DNAH6: variants seen among roughly 807,000 people sequenced by gnomAD.
DNAH6 encodes axonemal beta dynein heavy chain 6.
DNAH6 carries 340 observed loss-of-function variants against 491.4 expected under a neutral mutation model. The observed-to-expected ratio is 0.69, with a 90% CI of 0.63 to 0.76. DNAH6 has a LOEUF of 0.76. Ranked by LOEUF, DNAH6 falls within the 30% of genes least tolerant of loss-of-function variation. DNAH6 has a pLI of 0.00. For missense variants in DNAH6, 4,443 were observed against 4,972.2 expected (o/e 0.89, Z 3.20); for synonymous variants, 1,603 against 1,686.1 (o/e 0.95, Z 1.21).
At chr2:84,749,185 G>C (rs1012900509) in intron 63 of DNAH6, among the ~76,000 whole-genome samples, 8 of 152,122 alleles carry the variant, frequency 5.3e-5, no homozygotes, top group African/African-American at 1.9e-4. Flanking sequence ...TTCAAACTCT[G>C]TCATTCTGTA....
At chr2:84,816,805 G>GA (rs1680529063) in intron 76 of DNAH6, among the ~76,000 whole-genome samples, 1 of 152,104 alleles carries the variant, frequency 6.6e-6, no homozygotes, top group African/African-American at 2.4e-5. Flanking sequence ...ATACAGCCCT[G>GA]AAAAAAGAAA....
intron 11 of DNAH6, among the ~76,000 whole-genome samples, chr2:84,561,052 T>C (rs1171383839): frequency 2.0e-5 from 3 of 151,844 alleles, no homozygotes; most frequent in Non-Finnish European, 1.5e-5. Flanking sequence ...TCCACAATGG[T>C]TGAACTAGTT....
At chr2:84,499,953 T>C in the DNAH6 span, among the ~76,000 whole-genome samples, 1 of 151,888 alleles carries the variant, frequency 6.6e-6, no homozygotes, top group Non-Finnish European at 1.5e-5. Flanking sequence ...TCTTGTCAAA[T>C]GGGTAGTTTG....
chr2:84,603,980 C>T (rs142390875), intron 18 of DNAH6, among the ~76,000 whole-genome samples: 2 of 152,268 alleles, frequency 1.3e-5, no homozygotes, highest in African/African-American at 4.8e-5. Flanking sequence ...TCATTCTACC[C>T]CGCACTTAAT....
At position 84,745,138 on chromosome 2, in the gene DNAH6, C is replaced by A; in HGVS notation, c.10401C>A (p.His3467Gln). The A allele has an allele frequency of 6.5e-7, 1 of 1,546,100 alleles. No individual in the cohort carries two copies. The highest frequency in any genetic ancestry group is 1.2e-5 in the South Asian group (1 of 83,176). Residue 3467 changes from histidine (H) to glutamine (Q), a missense_variant, in exon 63 of 77, where the codon CAC becomes CAA. This residue lies in a region of DNAH6 where 1,463 missense variants were observed against 1,656.6 expected (regional missense o/e 0.88). Transcript: ENST00000389394. ...QKWEGYSKMK[H>Q]EDKHMRQEKE... ...GGGAAGGCTATTCTAAAATGAAACA[C>A]GAAGATAAACACATGAGACAGGAAA...
At chr2:84,522,411 A>T (rs1447610280) in intron 2 of DNAH6, among the ~76,000 whole-genome samples, 6 of 152,146 alleles carry the variant, frequency 3.9e-5, no homozygotes, top group Admixed American at 3.9e-4. Context: ...GAATCATGTC[A>T]TCTGCAAACA....
chr2:84,576,341 C>G (rs182210615), intron 12 of DNAH6, among the ~76,000 whole-genome samples: 47 of 152,160 alleles, frequency 3.1e-4, no homozygotes, highest in Admixed American at 2.5e-3. Context: ...TCTTCCAATA[C>G]TTTCTCTGGT....
intron 18 of DNAH6, among the ~76,000 whole-genome samples, chr2:84,600,041 A>G (rs183139060): frequency 5.9e-5 from 9 of 152,216 alleles, no homozygotes; most frequent in Admixed American, 5.9e-4. Context: ...TTGCTCAGTG[A>G]TCATTCTACA....
In DNAH6 at chr2:84,552,968, G is replaced by A. The variant is rs750375103; in HGVS notation, c.1536G>A (p.Met512Ile). The change falls in exon 10 of 77, where the codon ATG becomes ATA. Residue 512 changes from methionine to isoleucine, a missense_variant. Met to Ile is a conservative substitution (Grantham distance 10, BLOSUM62 1). Around this residue, in one of 3 missense-constraint regions of DNAH6, gnomAD observed 2,977 missense variants for 3,296.6 expected, o/e 0.90. Transcript: ENST00000389394. ...AAGAAGATGAATCTCTCATCCCCAT[G>A]TTTCTCACAGAACTAATGTTGACAG... Reference protein sequence around the residue: ...KQEEDESLIPMFLTELMLTVQ... With the variant: ...KQEEDESLIPIFLTELMLTVQ... 6.2e-7 allele frequency: 1 copy of A among 1,612,186 alleles called. No homozygotes were observed. The highest frequency in any genetic ancestry group is 2.2e-5 in the East Asian group (1 of 44,710).
chr2:84,771,355 A>G (rs1675590559), intron 64 of DNAH6, among the ~76,000 whole-genome samples: 1 of 152,080 alleles, frequency 6.6e-6, no homozygotes, highest in Non-Finnish European at 1.5e-5. Flanking sequence ...AACCATACCA[A>G]CATACACTAA....
chr2:84,731,124 C>T (rs1259034243), intron 61 of DNAH6, among the ~76,000 whole-genome samples: 2 of 152,178 alleles, frequency 1.3e-5, no homozygotes, highest in African/African-American at 4.8e-5. Flanking sequence ...GACAGCAAAT[C>T]TTGTGGTCTT....
intron 71 of DNAH6, among the ~76,000 whole-genome samples, chr2:84,807,143 GA>G (rs1679496620): frequency 6.6e-6 from 1 of 152,172 alleles, no homozygotes; most frequent in African/African-American, 2.4e-5. Flanking sequence ...CTCAGCAAAA[GA>G]ACTGAGGGTT....
At chr2:84,808,895 T>C (rs1413058027) in intron 72 of DNAH6, among the ~76,000 whole-genome samples, 1 of 152,210 alleles carries the variant, frequency 6.6e-6, no homozygotes, top group African/African-American at 2.4e-5. Flanking sequence ...ACATAGTCTT[T>C]AAGCGAGACT....
At chr2:84,544,831 T>C (rs1273870549) in intron 5 of DNAH6, among the ~76,000 whole-genome samples, 26 of 152,136 alleles carry the variant, frequency 1.7e-4, no homozygotes, top group Non-Finnish European at 1.5e-5. Flanking sequence ...GCTGGTAGCC[T>C]CTATTACCTC....
intron 71 of DNAH6, among the ~76,000 whole-genome samples, chr2:84,807,892 G>T (rs1253044756): frequency 6.6e-6 from 1 of 152,042 alleles, no homozygotes; most frequent in East Asian, 1.9e-4. Context: ...CCTCCCCACA[G>T]TCAACCAGAA....
intron 37 of DNAH6, among the ~76,000 whole-genome samples, chr2:84,665,110 G>C (rs1346536388): frequency 1.3e-5 from 2 of 152,126 alleles, no homozygotes; most frequent in African/African-American, 4.8e-5. Context: ...TGTGTAGAGG[G>C]AAATTTATAG....
chr2:84,670,784 C>G (rs952787970), intron 39 of DNAH6, among the ~76,000 whole-genome samples: 30 of 152,316 alleles, frequency 2.0e-4, no homozygotes, highest in Non-Finnish European at 3.2e-4. Flanking sequence ...AAACAAACCT[C>G]TGTATATTTG....
chr2:84,766,883 G>T (rs563163343), intron 64 of DNAH6, among the ~76,000 whole-genome samples: 1 of 152,258 alleles, frequency 6.6e-6, no homozygotes, highest in East Asian at 1.9e-4. Context: ...CTTACTTTAG[G>T]TTTGCACTCC....
chr2:84,640,854 A>T (rs892750916), intron 32 of DNAH6, among the ~76,000 whole-genome samples: 8 of 152,174 alleles, frequency 5.3e-5, no homozygotes, highest in Non-Finnish European at 1.2e-4. Context: ...CTGAACTCAA[A>T]TTCAAACATC....
Sources: allele counts gnomAD v4.1 joint callset (sites outside exome capture counted in the v4.1 genomes callset), GRCh38; gene constraint gnomAD v4.1.1; regional missense constraint gnomAD v4.1.1; transcripts MANE v1.5; gene names NCBI Gene and HGNC (gene_info 2026-07-23, HGNC 2026-07-21).